Variants in MCPH1 observed in about 807,000 individuals in gnomAD.
MCPH1 encodes the protein microcephalin.
A neutral mutation model predicts 84.5 loss-of-function variants in MCPH1; 104 were observed. The observed-to-expected ratio is 1.23, with a 90% confidence interval of 1.05 to 1.45. The LOEUF is 1.45. MCPH1 is among the 40% of genes most tolerant of loss of function. MCPH1 has a pLI of 0.00. For synonymous variants in MCPH1, 514 were observed against 366.8 expected (o/e 1.40, Z -4.58); for missense variants, 1,498 against 1,005.7 (o/e 1.49, Z -6.62).
chr8:6,478,270 A>G (rs897108472), intron 10 of MCPH1, among the ~76,000 whole-genome samples: 6 of 152,172 alleles, frequency 3.9e-5, no homozygotes, highest in Admixed American at 2.0e-4. Context: ...CAGTAGTGGG[A>G]TCCTTTTCCT....
At chr8:6,585,062 A>G (rs770419892) in intron 12 of MCPH1, among the ~76,000 whole-genome samples, 5 of 152,224 alleles carry the variant, frequency 3.3e-5, no homozygotes, top group Non-Finnish European at 5.9e-5. Context: ...CTAAGTATAA[A>G]CTATTCTCTA....
intron 12 of MCPH1, among the ~76,000 whole-genome samples, chr8:6,575,453 G>C (rs564065935): frequency 6.6e-6 from 1 of 152,298 alleles, no homozygotes; most frequent in East Asian, 1.9e-4. Flanking sequence ...TAATGATAAA[G>C]AAGACCCAGG....
chr8:6,612,993 C>G (rs1830419227), intron 12 of MCPH1, among the ~76,000 whole-genome samples: 1 of 152,218 alleles, frequency 6.6e-6, no homozygotes. Flanking sequence ...CAAAACATGA[C>G]AAACGGGACA....
At chr8:6,631,836 G>T (rs1045379607) in intron 13 of MCPH1, among the ~76,000 whole-genome samples, 3 of 152,162 alleles carry the variant, frequency 2.0e-5, no homozygotes, top group Non-Finnish European at 4.4e-5. Flanking sequence ...CCTCTTCTGG[G>T]TATATGCCAA....
rs1798059154 is a variant in MCPH1 at position 6,643,421 on chromosome 8, T to C, written c.*372T>C. 2 of 277,838 alleles carry C rather than the reference T, an allele frequency of 7.2e-6. No homozygotes were observed. The highest frequency in any genetic ancestry group is 9.2e-5 in the East Asian group (1 of 10,864). The allele number at this position is 277,838 out of a possible 1,614,324, so 17.2% of individuals were successfully genotyped here. ...CTGGGATTACAGATGTGTGCCACCA[T>C]GCCTGGCTAATTTTTGTAGTTTTAG... On this transcript the variant is annotated 3_prime_UTR_variant, in exon 14 of 14. Coordinates refer to ENST00000344683, the MANE Select transcript of MCPH1 (RefSeq NM_024596.5).
chr8:6,471,123 C>T (rs981681569), intron 9 of MCPH1, among the ~76,000 whole-genome samples: 3 of 152,106 alleles, frequency 2.0e-5, no homozygotes, highest in African/African-American at 7.2e-5. Flanking sequence ...CTTGGACCTA[C>T]CACCAAGTGA....
In MCPH1 at chr8:6,521,527, A is replaced by C. The variant is rs954813212; in HGVS notation, c.2214+21598A>C. The C allele has an allele frequency of 1.4e-5, 11 of 759,858 alleles. No individual in the cohort carries two copies. The African/African-American group carries it at 1.8e-4, about 12-fold the overall frequency. 47.1% of individuals were successfully genotyped at this position (759,858 alleles called of 1,614,324 possible). A position where few individuals can be genotyped will look rare whatever the true frequency, so the allele number is the denominator to read the frequency against. On this transcript the variant is annotated intron_variant, in intron 12 of 13. Transcript: ENST00000344683. The stretch of plus-strand genomic sequence containing the variant: ...AAGATATTGTAGTGGTTATAAAGTA[A>C]TATGATGTTACCAGAGCCCTAAGGA...
At chr8:6,530,519 AAAAAAAAAAAAAGT>A (rs1383288955) in intron 12 of MCPH1, among the ~76,000 whole-genome samples, 3 of 148,526 alleles carry the variant, frequency 2.0e-5, no homozygotes, top group African/African-American at 7.5e-5. Flanking sequence ...AAAAAAAAAA[AAAAAAAAAAAAAGT>A]AATGGCAAAA....
At chr8:6,419,560 T>A (rs1209423391) in intron 3 of MCPH1, among the ~76,000 whole-genome samples, 1 of 1,918 alleles carries the variant, frequency 5.2e-4, no homozygotes. Flanking sequence ...ACCTGGCTAA[T>A]TTTTTTTTTT....
At position 6,621,704 on chromosome 8, in the gene MCPH1, GCA is replaced by G. The variant is rs1310197465; in HGVS notation, c.2452+18_2452+19del. The G allele has an allele frequency of 8.7e-6, 14 of 1,613,904 alleles. No individual in the cohort carries two copies. Among genetic ancestry groups the G allele is most frequent in the Non-Finnish European group, 1.1e-5 (13 of 1,180,034 alleles). Reference sequence around the variant, plus strand: ...AAATGGGTCTTAGGTAAGAATCCAGGCACACAGACGCTGTGGTGTGGTCCAGA... The same window carrying G: ...AAATGGGTCTTAGGTAAGAATCCAGGCACAGACGCTGTGGTGTGGTCCAGA... On this transcript the variant is annotated intron_variant, in intron 13 of 13. Transcript: ENST00000344683.
intron 1 of MCPH1, 128 bp from the exon 2 acceptor site, chr8:6,409,151 G>A: frequency 1.3e-6 from 1 of 785,338 alleles, no homozygotes. Flanking sequence ...CTCCCACAGT[G>A]CTGGGATTAC....
chr8:6,406,772 G>A, intron 1 of MCPH1, 83 bp downstream of exon 1: 3 of 1,491,784 alleles, frequency 2.0e-6, no homozygotes, highest in African/African-American at 1.4e-5. Context: ...GGGGGATCCC[G>A]TGGGAGGAGC....
chr8:6,630,219 G>T (rs566661644), intron 13 of MCPH1, among the ~76,000 whole-genome samples: 1 of 152,102 alleles, frequency 6.6e-6, no homozygotes, highest in Non-Finnish European at 1.5e-5. Flanking sequence ...CTTTGGCTGG[G>T]AAAAACTTAT....
chr8:6,477,748 T>A, intron 10 of MCPH1, 117 bp downstream of exon 10: 1 of 797,230 alleles, frequency 1.3e-6, no homozygotes, highest in Non-Finnish European at 2.2e-6. Flanking sequence ...TTTTACTTTA[T>A]AAAATTAATA....
rs192720511 is a variant in MCPH1, at chr8:6,586,578, A to C, written c.2215-34876A>C. ...CCACTCTGTGCCGGTCATAGGGCTT[A>C]GAACTGCATGTCTGGGGGGAATTCT... On this transcript the variant is annotated intron_variant, in intron 12 of 13. Transcript: ENST00000344683. Among the ~76,000 whole-genome samples the C allele has an allele frequency of 1.2e-4, 18 of 152,340 alleles. No homozygotes were observed. In the East Asian group the frequency reaches 3.5e-3, roughly 29 times the overall value.
In MCPH1 at chr8:6,647,674, G is replaced by T. The variant is rs1469038326; in HGVS notation, c.*4625G>T. ...GGTCAGACACAAAAGACTACAAATT[G>T]TAAGATTCCATTTAGATACCATTTC... is the stretch of plus-strand genomic sequence containing the variant. On this transcript the variant is annotated 3_prime_UTR_variant, in exon 14 of 14. Transcript: ENST00000344683. 2.0e-5 allele frequency: 3 copies of T among 152,182 alleles called. No individual in the cohort carries two copies. Among genetic ancestry groups the T allele is most frequent in the African/African-American group, 2.4e-5 (1 of 41,438 alleles). 9.4% of individuals were successfully genotyped at this position (152,182 alleles called of 1,614,324 possible).
At chr8:6,618,059 A>G (rs1267782189) in intron 12 of MCPH1, among the ~76,000 whole-genome samples, 2 of 152,174 alleles carry the variant, frequency 1.3e-5, no homozygotes, top group Admixed American at 6.6e-5. Flanking sequence ...GGTGTTAGCC[A>G]CTTTGCCCAG....
chr8:6,534,201 AT>A (rs201429096), intron 12 of MCPH1, among the ~76,000 whole-genome samples: 103 of 151,194 alleles, frequency 6.8e-4, no homozygotes, highest in Middle Eastern at 6.8e-3. Context: ...CCATCAATAT[AT>A]TTTAAAAAAA....
chr8:6,469,702 G>C (rs1414253414), intron 9 of MCPH1, among the ~76,000 whole-genome samples: 1 of 152,140 alleles, frequency 6.6e-6, no homozygotes, highest in African/African-American at 2.4e-5. Context: ...AGAATGTTTT[G>C]TTTTTGAAAT....
Sources: gnomAD v4.1 joint callset for allele counts (sites outside exome capture counted in the v4.1 genomes callset) on GRCh38, gnomAD v4.1.1 for gene constraint, MANE v1.5 for transcripts, NCBI Gene and HGNC (gene_info 2026-07-23, HGNC 2026-07-21) for gene names.